The following DCAKD variants were observed in gnomAD, a reference collection of about 807,000 sequenced individuals.
The protein encoded by DCAKD is dephospho-CoA kinase domain containing.
In DCAKD, 15 loss-of-function variants were observed where a neutral mutation model predicts 18.7. The observed-to-expected ratio is 0.80, with a 90% confidence interval of 0.54 to 1.24. The LOEUF is 1.24. Ranked by LOEUF, DCAKD falls within the 50% of genes most tolerant of loss-of-function variation. The pLI is 0.00. For synonymous variants in DCAKD, 130 were observed against 133.0 expected (o/e 0.98, Z 0.16); for missense variants, 301 against 322.0 (o/e 0.93, Z 0.50).
chr17:45,043,251 G>A (rs2053480746), intron 1 of DCAKD, among the ~76,000 whole-genome samples: 1 of 149,536 alleles, frequency 6.7e-6, no homozygotes, highest in Non-Finnish European at 1.5e-5. Flanking sequence ...GTGAGACTCT[G>A]TCTCCAAAAA....
chr17:45,047,793 G>T (rs535133851), intron 1 of DCAKD, among the ~76,000 whole-genome samples: 3 of 151,870 alleles, frequency 2.0e-5, no homozygotes, highest in African/African-American at 7.3e-5. Context: ...GTGAGCCACC[G>T]CGTCTGGCCC....
intron 1 of DCAKD, among the ~76,000 whole-genome samples, chr17:45,043,891 A>G (rs2053499863): frequency 6.6e-6 from 1 of 151,886 alleles, no homozygotes; most frequent in Non-Finnish European, 1.5e-5. Flanking sequence ...TCCAACCCGC[A>G]GTGCCCGGCC....
Position 45,035,011 on chromosome 17 carries a change from AG to A in DCAKD, c.-114-13del. ...AGTGCCAGAAGGACCTGCTTGGGAGAGGCCAGCGGGACTGATCAGTTTGGGC... is the reference window on the plus strand; with the variant it reads ...AGTGCCAGAAGGACCTGCTTGGGAGAGCCAGCGGGACTGATCAGTTTGGGC... On this transcript the variant is annotated splice_polypyrimidine_tract_variant and intron_variant, in intron 1 of 4. Transcript: ENST00000651974. 1.1e-6 allele frequency: 1 copy of A among 941,474 alleles called. No individual in the cohort carries two copies. Among genetic ancestry groups the A allele is most frequent in the Admixed American group, 2.2e-5 (1 of 46,318 alleles). The allele number at this position is 941,474 out of a possible 1,614,324, so 58.3% of individuals were successfully genotyped here.
intron 1 of DCAKD, among the ~76,000 whole-genome samples, chr17:45,059,906 C>A (rs1445244456): frequency 6.6e-6 from 1 of 152,060 alleles, no homozygotes; most frequent in East Asian, 1.9e-4. Context: ...GAGTTCGAGA[C>A]CAGCCTGACC....
intron 4 of DCAKD, chr17:45,026,864 C>A (rs2053066672): frequency 1.0e-6 from 1 of 978,714 alleles, no homozygotes; most frequent in African/African-American, 1.8e-5. Flanking sequence ...GCCTGGGGCT[C>A]CCAGTAGGTG....
At chr17:45,053,076 T>C (rs927763713), upstream of DCAKD, among the ~76,000 whole-genome samples, 7 of 145,452 alleles carry the variant, frequency 4.8e-5, no homozygotes, top group East Asian at 8.3e-4. Context: ...GGCAGGAGGA[T>C]TGCTTGAACC....
At chr17:45,053,316 G>A (rs897942874), upstream of DCAKD, among the ~76,000 whole-genome samples, 2 of 150,488 alleles carry the variant, frequency 1.3e-5, no homozygotes, top group Non-Finnish European at 2.9e-5. Context: ...GGGGTGCAGT[G>A]GCAGGATCTT....
In DCAKD at chr17:45,041,845, A is replaced by G. The variant is rs116783415; in HGVS notation, c.-114-6846T>C. ...TATCAAGAGCAATGGGGGGCCATGC[A>G]TGGTGGCTCACGCCTGCAATCGCAG... On this transcript the variant is annotated intron_variant, in intron 1 of 4. Transcript: ENST00000651974. 7.1e-3 allele frequency among the ~76,000 whole-genome samples: 1,078 copies of G among 151,368 alleles called. 9 individuals carry two copies. Among genetic ancestry groups the G allele is most frequent in the African/African-American group, 0.024 (992 of 41,302 alleles).
At position 45,033,888 on chromosome 17, in the gene DCAKD, T is replaced by C; in HGVS notation, c.316+299A>G. 3.0e-6 allele frequency: 4 copies of C among 1,338,042 alleles called. No homozygotes were observed. In the South Asian group the frequency reaches 5.7e-5, roughly 19 times the overall value. 82.9% of individuals were successfully genotyped at this position (1,338,042 alleles called of 1,614,324 possible). A position where few individuals can be genotyped will look rare whatever the true frequency, so the allele number is the denominator to read the frequency against. ...TGAACTCAGATCTATGGCTCCATTA[T>C]TCACCAGCTCTTATTACTCCCATCC... On this transcript the variant is annotated intron_variant, in intron 3 of 4. Coordinates refer to ENST00000651974, the MANE Select transcript of DCAKD (RefSeq NM_001288655.2).
intron 4 of DCAKD, among the ~76,000 whole-genome samples, chr17:45,026,229 T>C (rs1597937197): frequency 1.3e-5 from 2 of 148,428 alleles, no homozygotes; most frequent in Non-Finnish European, 3.0e-5. Context: ...TTTTTTTTTT[T>C]TTTTTTTTCT....
upstream of DCAKD, among the ~76,000 whole-genome samples, chr17:45,053,565 G>C (rs1428820111): frequency 6.6e-6 from 1 of 152,146 alleles, no homozygotes; most frequent in African/African-American, 2.4e-5. Context: ...AGGATTACAG[G>C]CATGTACCAC....
At chr17:45,030,959 C>T in intron 3 of DCAKD, 2 of 985,142 alleles carry the variant, frequency 2.0e-6, no homozygotes, top group Non-Finnish European at 2.4e-6. Context: ...GTGAGCACAT[C>T]CGTAGGCTGC....
At chr17:45,047,907 T>C (rs2053608011) in intron 1 of DCAKD, among the ~76,000 whole-genome samples, 2 of 152,132 alleles carry the variant, frequency 1.3e-5, no homozygotes, top group African/African-American at 2.4e-5. Context: ...ACTTAGCTTA[T>C]TAAGAGAAAT....
intron 1 of DCAKD, among the ~76,000 whole-genome samples, chr17:45,035,679 TC>T (rs2053281353): frequency 6.6e-6 from 1 of 151,880 alleles, no homozygotes; most frequent in Non-Finnish European, 1.5e-5. Context: ...TGCCCACTGG[TC>T]CCCCTGGCCT....
upstream of DCAKD, among the ~76,000 whole-genome samples, chr17:45,052,395 A>G (rs894937066): frequency 1.9e-5 from 2 of 105,322 alleles, no homozygotes; most frequent in South Asian, 6.7e-4. Flanking sequence ...GGATACTATC[A>G]TCATCCCCAT....
At chr17:45,044,877 C>T (rs62065823) in intron 1 of DCAKD, among the ~76,000 whole-genome samples, 23,454 of 152,134 alleles carry the variant, frequency 0.15, 2,075 homozygotes, top group Middle Eastern at 0.22. Context: ...AGGGGAACTT[C>T]CTTACAGAGT....
At chr17:45,045,802 G>A (rs565523394) in intron 1 of DCAKD, among the ~76,000 whole-genome samples, 1 of 151,984 alleles carries the variant, frequency 6.6e-6, no homozygotes, top group African/African-American at 2.4e-5. Flanking sequence ...TAGCTCATGG[G>A]CAAGCTGGAA....
At chr17:45,046,265 C>A (rs1046050599) in intron 1 of DCAKD, among the ~76,000 whole-genome samples, 2 of 152,118 alleles carry the variant, frequency 1.3e-5, no homozygotes, top group African/African-American at 4.8e-5. Context: ...AGCTTCCCAG[C>A]AGGCGGAACT....
At chr17:45,035,275 G>GT (rs2053269380) in intron 1 of DCAKD, 1 of 185,762 alleles carries the variant, frequency 5.4e-6, no homozygotes, top group Admixed American at 5.9e-5. Context: ...GAGGTCAGGA[G>GT]TTTGAGACCA....
Sources: allele counts gnomAD v4.1 joint callset (sites outside exome capture counted in the v4.1 genomes callset), GRCh38; gene constraint gnomAD v4.1.1; transcripts MANE v1.5; gene names NCBI Gene and HGNC (gene_info 2026-07-23, HGNC 2026-07-21).